LSG1: variants seen among roughly 807,000 people sequenced by gnomAD.
LSG1 encodes the protein large subunit GTPase 1 homolog.
A neutral mutation model predicts 82.6 loss-of-function variants in LSG1; 55 were observed. The observed-to-expected ratio is 0.67, with a 90% CI of 0.54 to 0.83. LSG1 has a LOEUF of 0.83. Ranked by LOEUF, LSG1 falls within the 40% of genes least tolerant of loss-of-function variation. The probability of loss-of-function intolerance (pLI) is 0.00; values close to 1 mark genes in which losing one functional copy is unlikely to be tolerated. For missense variants in LSG1, 809 were observed against 807.9 expected (o/e 1.00, Z -0.02); for synonymous variants, 272 against 282.5 (o/e 0.96, Z 0.37).
chr3:194,668,442 A>G (rs943854769), intron 2 of LSG1, among the ~76,000 whole-genome samples: 51 of 152,234 alleles, frequency 3.4e-4, no homozygotes, highest in African/African-American at 1.1e-3. Context: ...AACATTTGTT[A>G]TAGTCTCTTT....
intron 11 of LSG1, among the ~76,000 whole-genome samples, chr3:194,647,734 G>C (rs1206545631): frequency 6.6e-6 from 1 of 152,166 alleles, no homozygotes; most frequent in Non-Finnish European, 1.5e-5. Context: ...CATCCTGCAG[G>C]GAGATCTCAC....
intron 13 of LSG1, among the ~76,000 whole-genome samples, chr3:194,643,675 A>G (rs764948700): frequency 6.6e-6 from 1 of 152,220 alleles, no homozygotes; most frequent in Non-Finnish European, 1.5e-5. Flanking sequence ...TTGCAATACA[A>G]CCCAGCAACC....
chr3:194,669,862 G>A, intron 2 of LSG1, 147 bp downstream of exon 2: 1 of 832,254 alleles, frequency 1.2e-6, no homozygotes, highest in Admixed American at 2.5e-5. Context: ...AACCCAGGAG[G>A]CGGAGCTGCA....
At chr3:194,651,445 A>T (rs1249688092) in intron 8 of LSG1, 1 of 530,756 alleles carries the variant, frequency 1.9e-6, no homozygotes, top group African/African-American at 1.9e-5. Flanking sequence ...TTTTAATATT[A>T]TATGTTTTGC....
Position 194,666,246 on chromosome 3 carries a change from CTTGT to C in LSG1, c.387_390del (p.Ala131ArgfsTer6). 1 of 1,614,080 alleles carries C rather than the reference CTTGT, an allele frequency of 6.2e-7. No individual in the cohort carries two copies. Among genetic ancestry groups the C allele is most frequent in the East Asian group, 2.2e-5 (1 of 44,870 alleles). ...CATTCTAGAAAGTTATCTTTCTCTG[CTTGT>C]TTGAGTTCTTCTGGGGTAGTATTTT... On this transcript the variant is annotated frameshift_variant, in exon 4 of 14. Transcript: ENST00000265245. LOFTEE classifies it high-confidence loss of function.
chr3:194,645,844 TATAGAG>T (rs1354811150), intron 12 of LSG1, among the ~76,000 whole-genome samples: 20 of 152,274 alleles, frequency 1.3e-4, no homozygotes, highest in African/African-American at 4.8e-4. Flanking sequence ...ACTAGGCAAA[TATAGAG>T]ATAGGCATAT....
intron 9 of LSG1, 42 bp from the exon 10 acceptor site, chr3:194,651,066 T>A: frequency 6.2e-7 from 1 of 1,613,940 alleles, no homozygotes; most frequent in South Asian, 1.1e-5. Flanking sequence ...ATACAACAGA[T>A]AAAAGGAAGA....
chr3:194,656,451 C>G (rs1487048469), intron 7 of LSG1, among the ~76,000 whole-genome samples: 1 of 152,136 alleles, frequency 6.6e-6, no homozygotes, highest in African/African-American at 2.4e-5. Flanking sequence ...CAATGAGATA[C>G]CATCTCACAC....
chr3:194,656,225 T>A (rs956284971), intron 7 of LSG1, among the ~76,000 whole-genome samples: 3 of 150,752 alleles, frequency 2.0e-5, no homozygotes, highest in East Asian at 3.9e-4. Flanking sequence ...ACCTACAGAA[T>A]GGGAGAAAAT....
rs569209980 is a variant in LSG1, at chr3:194,641,769, A to G, written c.*299T>C. On this transcript the variant is annotated 3_prime_UTR_variant, in exon 14 of 14. Coordinates refer to ENST00000265245, the MANE Select transcript of LSG1 (RefSeq NM_018385.3). ...GCTGGGATTACAGGTGCGCGCCACC[A>G]CGCCTGGCTAATTTTTTTGTATTTT... 21 of 217,200 alleles carry G rather than the reference A, an allele frequency of 9.7e-5. No individual in the cohort carries two copies. Among genetic ancestry groups the G allele is most frequent in the East Asian group, 3.0e-4 (3 of 9,954 alleles). 13.5% of individuals were successfully genotyped at this position (217,200 alleles called of 1,614,324 possible).
intron 12 of LSG1, among the ~76,000 whole-genome samples, chr3:194,645,643 T>C (rs549138224): frequency 2.7e-4 from 39 of 143,160 alleles, no homozygotes; most frequent in Admixed American, 4.2e-4. Context: ...TTATTTCCCA[T>C]AATAATCTCA....
At chr3:194,669,829 G>A (rs758134835) in intron 2 of LSG1, among the ~76,000 whole-genome samples, 180 bp downstream of exon 2, 3 of 152,166 alleles carry the variant, frequency 2.0e-5, no homozygotes, top group Non-Finnish European at 4.4e-5. Context: ...CTACTTGGGA[G>A]GCTGAGGCAG....
intron 5 of LSG1, chr3:194,660,888 T>A (rs1014044587): frequency 2.2e-6 from 1 of 456,588 alleles, no homozygotes; most frequent in South Asian, 1.5e-5. Flanking sequence ...TGTCCAGCAC[T>A]GCAAGGAGAA....
At chr3:194,669,654 G>C (rs1675928) in intron 2 of LSG1, among the ~76,000 whole-genome samples, 98,078 of 152,036 alleles carry the variant, frequency 0.65, 32,394 homozygotes, top group East Asian at 0.87. Context: ...AAGACTCAGG[G>C]CGGGCACGGT....
At chr3:194,667,923 C>CAAAAAAAAAAAAAAAAAAAAA (rs1170566137) in intron 2 of LSG1, among the ~76,000 whole-genome samples, 1 of 12,842 alleles carries the variant, frequency 7.8e-5, no homozygotes, top group Non-Finnish European at 1.3e-4. Flanking sequence ...GACTCCGTCT[C>CAAAAAAAAAAAAAAAAAAAAA]AAAAAAAAAA....
chr3:194,670,259 T>C, intron 1 of LSG1, 124 bp from the exon 2 acceptor site: 2 of 843,658 alleles, frequency 2.4e-6, no homozygotes, highest in Non-Finnish European at 3.7e-6. Flanking sequence ...TTAGAATCAA[T>C]ACTACTTATA....
Position 194,661,002 on chromosome 3 carries a change from T to C in LSG1, c.522-869A>G, listed in dbSNP as rs1267504127. The C allele has an allele frequency of 1.2e-5, 5 of 422,248 alleles. No individual in the cohort carries two copies. The East Asian group carries it at 2.1e-4, about 18-fold the overall frequency. The allele number at this position is 422,248 out of a possible 1,614,324, so 26.2% of individuals were successfully genotyped here. ...CCGCTGGGAGGACATAAGCTACAGA[T>C]GCATGACTACCTCACGGCAGAGTCT... On this transcript the variant is annotated intron_variant, in intron 5 of 13. Transcript: ENST00000265245.
chr3:194,651,273 A>C, intron 8 of LSG1, 57 bp from the exon 9 acceptor site: 21 of 1,194,978 alleles, frequency 1.8e-5, no homozygotes, highest in Non-Finnish European at 2.2e-5. Flanking sequence ...CAAAAGACTC[A>C]AAGATATGAC....
At chr3:194,646,448 C>A in intron 11 of LSG1, 1 of 440,946 alleles carries the variant, frequency 2.3e-6, no homozygotes. Context: ...CCTAAAAATG[C>A]CACCTAGCAC....
Sources: gnomAD v4.1 joint callset for allele counts (sites outside exome capture counted in the v4.1 genomes callset) on GRCh38, gnomAD v4.1.1 for gene constraint, MANE v1.5 for transcripts, NCBI Gene and HGNC (gene_info 2026-07-23, HGNC 2026-07-21) for gene names.